EXT1: variants seen among roughly 807,000 people sequenced by gnomAD.
EXT1 encodes exostosin glycosyltransferase 1, also known as exostosin-1.
Under a neutral mutation model 82.5 loss-of-function variants are expected in EXT1, and 20 were observed. That is an observed-to-expected ratio of 0.24 (90% CI 0.17 to 0.35). The LOEUF (loss-of-function observed/expected upper bound fraction) is 0.35, where lower values mean the gene tolerates loss of function less well. Among genes scored for constraint, EXT1 ranks in the 10% least tolerant of loss-of-function variants. The pLI, the probability that EXT1 is intolerant of heterozygous loss-of-function variation, is 1.00. For synonymous variants in EXT1, 348 were observed against 350.8 expected, an observed-to-expected ratio of 0.99 and a Z score of 0.09; for missense variants, 757 against 936.5, an observed-to-expected ratio of 0.81 and a Z score of 2.50.
At chr8:117,905,603 G>A (rs900005604) in intron 1 of EXT1, among the ~76,000 whole-genome samples, 3 of 152,184 alleles carry the variant, frequency 2.0e-5, no homozygotes, top group African/African-American at 7.2e-5. Context: ...ACGAGGTCAG[G>A]AGATCGAGAT....
intron 1 of EXT1, among the ~76,000 whole-genome samples, chr8:117,838,651 A>G (rs1197907857): frequency 6.6e-6 from 1 of 152,148 alleles, no homozygotes; most frequent in Non-Finnish European, 1.5e-5. Context: ...TAAAAAAAAA[A>G]TAAATTAGAT....
chr8:118,109,398 G>A (rs1202672868), intron 1 of EXT1, among the ~76,000 whole-genome samples: 1 of 148,464 alleles, frequency 6.7e-6, no homozygotes, highest in Non-Finnish European at 1.5e-5. Context: ...AAAGAGACAG[G>A]ACATGTACAG....
intron 1 of EXT1, among the ~76,000 whole-genome samples, chr8:117,997,477 C>G (rs551120854): frequency 4.6e-5 from 7 of 151,874 alleles, no homozygotes; most frequent in African/African-American, 1.7e-4. Context: ...GTACAATAAA[C>G]CCCCAAAATC....
At chr8:117,863,489 A>G (rs1334184140) in intron 1 of EXT1, among the ~76,000 whole-genome samples, 1 of 144,564 alleles carries the variant, frequency 6.9e-6, no homozygotes, top group Non-Finnish European at 1.5e-5. Context: ...CAGACGGCTG[A>G]TGCGGGCCAA....
chr8:118,019,005 A>G (rs1037210198), intron 1 of EXT1, among the ~76,000 whole-genome samples: 1 of 152,104 alleles, frequency 6.6e-6, no homozygotes, highest in African/African-American at 2.4e-5. Context: ...CTACGGTTCA[A>G]TAAAAAAGCA....
chr8:118,035,907 T>A (rs1269958948), intron 1 of EXT1, among the ~76,000 whole-genome samples: 1 of 152,196 alleles, frequency 6.6e-6, no homozygotes, highest in Non-Finnish European at 1.5e-5. Context: ...TGAGAACAGA[T>A]TCTATAACCT....
intron 4 of EXT1, among the ~76,000 whole-genome samples, chr8:117,824,118 T>C (rs910867185): frequency 1.3e-5 from 2 of 152,178 alleles, no homozygotes; most frequent in African/African-American, 4.8e-5. Context: ...TTTGTTTTTT[T>C]CTTTTCAAAT....
chr8:117,984,449 C>CAAAAAAAAAAAAAAAA (rs368857333), intron 1 of EXT1, among the ~76,000 whole-genome samples: 1 of 130,968 alleles, frequency 7.6e-6, no homozygotes, highest in African/African-American at 2.8e-5. Context: ...CAAAACAAAA[C>CAAAAAAAAAAAAAAAA]AAAAAAAAAA....
chr8:118,012,167 G>A (rs1362176879), intron 1 of EXT1, among the ~76,000 whole-genome samples: 4 of 152,204 alleles, frequency 2.6e-5, no homozygotes, highest in African/African-American at 9.7e-5. Context: ...AAAAGCTCTC[G>A]CCAAAAGTAG....
intron 1 of EXT1, among the ~76,000 whole-genome samples, chr8:118,042,596 GC>G (rs1816553461): frequency 6.6e-6 from 1 of 152,040 alleles, no homozygotes; most frequent in Non-Finnish European, 1.5e-5. Flanking sequence ...GGGGCACCTG[GC>G]CCCCACCTTG....
At chr8:117,921,309 A>G (rs1173339275) in intron 1 of EXT1, among the ~76,000 whole-genome samples, 1 of 152,192 alleles carries the variant, frequency 6.6e-6, no homozygotes, top group Non-Finnish European at 1.5e-5. Context: ...ACTACTCATT[A>G]AGTCTCATGA....
At chr8:118,012,960 C>G (rs972676585) in intron 1 of EXT1, among the ~76,000 whole-genome samples, 28 of 152,126 alleles carry the variant, frequency 1.8e-4, no homozygotes, top group African/African-American at 6.3e-4. Context: ...CTCACTCCTT[C>G]GTCTCTAAAA....
At chr8:118,027,397 A>G (rs553499420) in intron 1 of EXT1, among the ~76,000 whole-genome samples, 2 of 152,020 alleles carry the variant, frequency 1.3e-5, no homozygotes, top group Non-Finnish European at 2.9e-5. Flanking sequence ...GAATAACTAC[A>G]TTCTACAAGG....
intron 1 of EXT1, among the ~76,000 whole-genome samples, chr8:117,957,029 C>G (rs538925838): frequency 6.6e-6 from 1 of 152,138 alleles, no homozygotes. Flanking sequence ...GTCATAATTT[C>G]CTTCTTAACT....
chr8:117,874,094 T>G (rs1438401156), intron 1 of EXT1, among the ~76,000 whole-genome samples: 1 of 152,304 alleles, frequency 6.6e-6, no homozygotes, highest in African/African-American at 2.4e-5. Context: ...TTGGGTATAA[T>G]GAGCCAGTCT....
At chr8:117,882,637 C>T (rs765370886) in intron 1 of EXT1, among the ~76,000 whole-genome samples, 6 of 152,172 alleles carry the variant, frequency 3.9e-5, no homozygotes, top group Non-Finnish European at 8.8e-5. Flanking sequence ...AACACTAAAT[C>T]AGTCCTTGGT....
At chr8:117,992,776 A>C (rs1304484162) in intron 1 of EXT1, among the ~76,000 whole-genome samples, 1 of 152,214 alleles carries the variant, frequency 6.6e-6, no homozygotes, top group Non-Finnish European at 1.5e-5. Flanking sequence ...GATCGCCATA[A>C]CAAGGTGGCT....
intron 1 of EXT1, among the ~76,000 whole-genome samples, chr8:117,988,761 G>A (rs1399146373): frequency 5.3e-5 from 8 of 152,116 alleles, no homozygotes; most frequent in Admixed American, 1.3e-4. Flanking sequence ...GGACGCAACC[G>A]CTGCCTGGTA....
At chr8:117,886,098 G>A (rs1361283142) in intron 1 of EXT1, among the ~76,000 whole-genome samples, 1 of 152,146 alleles carries the variant, frequency 6.6e-6, no homozygotes, top group African/African-American at 2.4e-5. Context: ...CTTCACGAAT[G>A]AGATGAATAT....
Sources: allele counts gnomAD v4.1 joint callset (sites outside exome capture counted in the v4.1 genomes callset), GRCh38; gene constraint gnomAD v4.1.1; transcripts MANE v1.5; gene names NCBI Gene and HGNC (gene_info 2026-07-23, HGNC 2026-07-21).